PARP11: variants seen among roughly 807,000 people sequenced by gnomAD.
The protein encoded by PARP11 is protein mono-ADP-ribosyltransferase PARP11.
Under a neutral mutation model 42.9 loss-of-function variants are expected in PARP11, and 31 were observed. That is an observed-to-expected ratio of 0.72 (90% CI 0.54 to 0.98). The LOEUF is 0.98. PARP11 is among the 50% of genes least tolerant of loss of function. The probability of loss-of-function intolerance (pLI) is 0.00; values close to 1 mark genes in which losing one functional copy is unlikely to be tolerated. For synonymous variants in PARP11, 137 were observed against 127.3 expected (o/e 1.08, Z -0.51); for missense variants, 365 against 413.1 (o/e 0.88, Z 1.01).
intron 1 of PARP11, chr12:3,839,529 A>G (rs2138068837): frequency 1.3e-6 from 2 of 1,591,132 alleles, no homozygotes; most frequent in Non-Finnish European, 1.7e-6. Context: ...GAGAGAACAG[A>G]GAGAAATTTG....
At chr12:3,821,056 A>G (rs1947381193) in intron 6 of PARP11, among the ~76,000 whole-genome samples, 1 of 152,214 alleles carries the variant, frequency 6.6e-6, no homozygotes, top group Non-Finnish European at 1.5e-5. Flanking sequence ...ATAACAAAAA[A>G]GGAGATAGTT....
chr12:3,832,053 A>C, intron 1 of PARP11: 2 of 562,212 alleles, frequency 3.6e-6, no homozygotes, highest in Non-Finnish European at 4.5e-6. Flanking sequence ...AATAGAAAAT[A>C]GGAAAGTTCC....
chr12:3,814,005 G>A (rs1170329497), intron 7 of PARP11, 32 bp downstream of exon 7: 9 of 1,503,246 alleles, frequency 6.0e-6, no homozygotes, highest in Non-Finnish European at 8.1e-6. Context: ...CTCTCCTGGG[G>A]CTCAAATTGG....
rs977042228 is a variant in PARP11, at chr12:3,840,664, C to T, written c.19-10646G>A. Reference sequence around the variant, plus strand: ...CATGTGTCCAGAGAAAATCATCACACGTAAGTGATAGAAAAGGAAGCAGGC... The same window carrying T: ...CATGTGTCCAGAGAAAATCATCACATGTAAGTGATAGAAAAGGAAGCAGGC... On this transcript the variant is annotated intron_variant, in intron 1 of 7. Transcript: ENST00000228820. This position sits in a 1 kb window ranked among gnomAD's most constrained non-coding sequence, Gnocchi z 4.4. 9 of 1,197,234 alleles carry T rather than the reference C, an allele frequency of 7.5e-6. No homozygotes were observed. Among genetic ancestry groups the T allele is most frequent in the East Asian group, 4.7e-5 (2 of 43,002 alleles). 74.2% of individuals were successfully genotyped at this position (1,197,234 alleles called of 1,614,324 possible).
intron 1 of PARP11, chr12:3,842,490 A>C: frequency 1.2e-6 from 2 of 1,603,012 alleles, no homozygotes; most frequent in Non-Finnish European, 1.7e-6. Flanking sequence ...CAGGGATGGG[A>C]GATGGCCATA....
intron 6 of PARP11, among the ~76,000 whole-genome samples, chr12:3,815,976 G>A (rs1402133578): frequency 6.6e-6 from 1 of 152,176 alleles, no homozygotes; most frequent in East Asian, 1.9e-4. Flanking sequence ...GAGTCACTTG[G>A]CAGTATGTAT....
intron 1 of PARP11, among the ~76,000 whole-genome samples, chr12:3,867,201 T>C (rs766005186): frequency 1.3e-5 from 2 of 152,214 alleles, no homozygotes; most frequent in East Asian, 3.9e-4. Flanking sequence ...AAAGATTCTT[T>C]ATATGAAACA....
intron 1 of PARP11, among the ~76,000 whole-genome samples, chr12:3,852,375 G>A (rs1948113142): frequency 6.6e-6 from 1 of 152,174 alleles, no homozygotes; most frequent in African/African-American, 2.4e-5. Context: ...TCGCAAGGAA[G>A]CTAAAAACCT....
Position 3,838,882 on chromosome 12 carries a change from C to A in PARP11, c.19-8864G>T, listed in dbSNP as rs181114868. 7.9e-4 allele frequency among the ~76,000 whole-genome samples: 121 copies of A among 152,310 alleles called. 1 individual carries two copies. The highest frequency in any genetic ancestry group is 2.5e-3 in the African/African-American group (104 of 41,584). On this transcript the variant is annotated intron_variant, in intron 1 of 7. Transcript: ENST00000228820. ...GGACGCAGGCCCCGCTTCACCTGAG[C>A]CGGCCCGGCGTGCGCGCCTGGGGCG...
rs563348531 is a variant in PARP11, at chr12:3,861,841, G to A, written c.18+11371C>T. On this transcript the variant is annotated intron_variant, in intron 1 of 7. Transcript: ENST00000228820. This position sits in a 1 kb window ranked among gnomAD's most constrained non-coding sequence, Gnocchi z 4.6. Reference sequence around the variant, plus strand: ...AGATTGAGACCATCCTGGCTAACACGGTGAAACCCCGTCTCTACCAAAAAT... The same window carrying A: ...AGATTGAGACCATCCTGGCTAACACAGTGAAACCCCGTCTCTACCAAAAAT... 3.3e-5 allele frequency among the ~76,000 whole-genome samples: 5 copies of A among 151,914 alleles called. No homozygotes were observed. Among genetic ancestry groups the A allele is most frequent in the Non-Finnish European group, 5.9e-5 (4 of 67,940 alleles).
At chr12:3,817,567 A>G (rs1194140382) in intron 6 of PARP11, among the ~76,000 whole-genome samples, 1 of 152,196 alleles carries the variant, frequency 6.6e-6, no homozygotes, top group African/African-American at 2.4e-5. Context: ...ATCTGCAAGG[A>G]AAGTCACAGA....
intron 7 of PARP11, among the ~76,000 whole-genome samples, chr12:3,812,671 AAC>A (rs1342453165): frequency 6.6e-6 from 1 of 152,202 alleles, no homozygotes; most frequent in Non-Finnish European, 1.5e-5. Flanking sequence ...CCTCACCACC[AAC>A]ACCATCCCCT....
Position 3,829,971 on chromosome 12 carries a change from ATTGT to A in PARP11, c.62_65del (p.Asn21MetfsTer65), listed in dbSNP as rs1455888700. ...CTGACGTGTCCATGTCATCCACTTC[ATTGT>A]TTGTTGTTTTAGAAAATAATTCTTC... On this transcript the variant is annotated frameshift_variant, in exon 2 of 8. Coordinates refer to ENST00000228820, the MANE Select transcript of PARP11 (RefSeq NM_020367.6). LOFTEE classifies it high-confidence loss of function. 1 of 1,613,772 alleles carries A rather than the reference ATTGT, an allele frequency of 6.2e-7. No homozygotes were observed.
intron 1 of PARP11, among the ~76,000 whole-genome samples, chr12:3,871,445 A>G (rs998522074): frequency 6.6e-6 from 1 of 152,234 alleles, no homozygotes; most frequent in African/African-American, 2.4e-5. Context: ...TATTCAGTAC[A>G]ATACTATGCT....
intron 1 of PARP11, among the ~76,000 whole-genome samples, chr12:3,831,347 T>C (rs920953551): frequency 5.9e-5 from 9 of 152,160 alleles, no homozygotes; most frequent in African/African-American, 1.7e-4. Flanking sequence ...TCCTGTATCA[T>C]TGATTTTTTT....
intron 1 of PARP11, among the ~76,000 whole-genome samples, chr12:3,858,111 CT>C (rs1948224532): frequency 6.6e-6 from 1 of 152,122 alleles, no homozygotes; most frequent in Non-Finnish European, 1.5e-5. Flanking sequence ...TCGAAGGACT[CT>C]GTATATCATC....
intron 1 of PARP11, among the ~76,000 whole-genome samples, chr12:3,853,879 T>C (rs1252870218): frequency 6.6e-6 from 1 of 152,200 alleles, no homozygotes; most frequent in African/African-American, 2.4e-5. Flanking sequence ...GACCACATAG[T>C]TGGAAATAAA....
intron 1 of PARP11, among the ~76,000 whole-genome samples, chr12:3,835,028 G>C (rs542482816): frequency 6.6e-6 from 1 of 152,236 alleles, no homozygotes; most frequent in African/African-American, 2.4e-5. Flanking sequence ...AAACAGCACT[G>C]TCATCCCTGA....
At chr12:3,839,664 G>A in intron 1 of PARP11, 9 of 964,094 alleles carry the variant, frequency 9.3e-6, no homozygotes, top group African/African-American at 1.6e-5. Flanking sequence ...TAACTAATCT[G>A]GAACCTAATG....
Sources: gnomAD v4.1 joint callset for allele counts (sites outside exome capture counted in the v4.1 genomes callset) on GRCh38, gnomAD v4.1.1 for gene constraint, Gnocchi (gnomAD v3.1) non-coding constraint, MANE v1.5 for transcripts, NCBI Gene and HGNC (gene_info 2026-07-23, HGNC 2026-07-21) for gene names.